ARHGAP42: variants seen among roughly 807,000 people sequenced by gnomAD.
ARHGAP42 encodes Rho GTPase activating protein 42, also known as rho GTPase-activating protein 42.
Under a neutral mutation model 125.0 loss-of-function variants are expected in ARHGAP42, and 63 were observed. The observed-to-expected ratio is 0.50, with a 90% CI of 0.41 to 0.62. The LOEUF (loss-of-function observed/expected upper bound fraction) is 0.62, where lower values mean the gene tolerates loss of function less well. ARHGAP42 is among the 20% of genes least tolerant of loss of function. ARHGAP42 has a pLI of 0.00. For synonymous variants in ARHGAP42, 339 were observed against 351.0 expected (o/e 0.97, Z 0.38); for missense variants, 766 against 1,024.2 (o/e 0.75, Z 3.44).
At chr11:100,782,085 T>C (rs1455592037) in intron 2 of ARHGAP42, among the ~76,000 whole-genome samples, 1 of 152,202 alleles carries the variant, frequency 6.6e-6, no homozygotes, top group South Asian at 2.1e-4. Flanking sequence ...ATATGTGATA[T>C]TGAAGAAAAC....
chr11:100,771,581 A>G (rs1862980397), intron 2 of ARHGAP42, among the ~76,000 whole-genome samples: 1 of 152,030 alleles, frequency 6.6e-6, no homozygotes, highest in South Asian at 2.1e-4. Flanking sequence ...CCCAACTTTA[A>G]TGTCTGTAGG....
intron 4 of ARHGAP42, among the ~76,000 whole-genome samples, chr11:100,880,466 A>G (rs1229726491): frequency 1.3e-5 from 2 of 152,118 alleles, no homozygotes; most frequent in East Asian, 3.9e-4. Flanking sequence ...TCCATTGTAT[A>G]TATATACCAC....
intron 5 of ARHGAP42, among the ~76,000 whole-genome samples, chr11:100,918,108 A>C (rs542056232): frequency 6.7e-6 from 1 of 150,298 alleles, no homozygotes; most frequent in Non-Finnish European, 1.5e-5. Context: ...AAGTTTTTGC[A>C]CTGCCTATAT....
intron 2 of ARHGAP42, among the ~76,000 whole-genome samples, chr11:100,782,131 T>C (rs955937740): frequency 4.6e-5 from 7 of 152,192 alleles, no homozygotes; most frequent in Non-Finnish European, 1.5e-5. Flanking sequence ...AGTGTGAGGA[T>C]TGAGAACCAG....
intron 18 of ARHGAP42, among the ~76,000 whole-genome samples, chr11:100,973,956 T>C (rs1392498835): frequency 6.6e-6 from 1 of 152,120 alleles, no homozygotes; most frequent in African/African-American, 2.4e-5. Flanking sequence ...GCCCTTAGTG[T>C]CTATCTAAGG....
At chr11:100,825,791 A>G (rs1329484097) in intron 3 of ARHGAP42, among the ~76,000 whole-genome samples, 1 of 152,134 alleles carries the variant, frequency 6.6e-6, no homozygotes, top group Non-Finnish European at 1.5e-5. Flanking sequence ...GCATGTACCC[A>G]CATTCAGTGT....
rs541666927 is a variant in ARHGAP42 at position 100,903,793 on chromosome 11, G to A, written c.385-9659G>A. Among the ~76,000 whole-genome samples, 9 of 132,636 alleles carry A rather than the reference G, an allele frequency of 6.8e-5. No individual in the cohort carries two copies. In the East Asian group the frequency reaches 9.0e-4, roughly 13 times the overall value. 87.0% of individuals were successfully genotyped at this position (132,636 alleles called of 152,430 possible). On this transcript the variant is annotated intron_variant, in intron 4 of 23. Transcript: ENST00000298815. ...AAGTTTATTAAGTTTTAACTTACAC[G>A]ATCACAAGGTCCCACAATAGGCTGT...
intron 3 of ARHGAP42, among the ~76,000 whole-genome samples, chr11:100,796,889 C>A (rs1037811425): frequency 1.2e-4 from 18 of 151,700 alleles, no homozygotes; most frequent in African/African-American, 4.4e-4. Flanking sequence ...CCTGCCTCAG[C>A]CTCCTGAGTA....
chr11:100,720,684 T>C (rs1156612748), intron 1 of ARHGAP42, among the ~76,000 whole-genome samples: 1 of 36,182 alleles, frequency 2.8e-5, no homozygotes, highest in Non-Finnish European at 5.1e-5. Flanking sequence ...TGAGATAACC[T>C]TTTTTTTTTG....
intron 1 of ARHGAP42, among the ~76,000 whole-genome samples, chr11:100,754,986 C>T (rs1862539896): frequency 6.6e-6 from 1 of 152,226 alleles, no homozygotes; most frequent in African/African-American, 2.4e-5. Context: ...TCTCATTCAT[C>T]TGTTTATGGA....
At chr11:100,926,801 T>C (rs764261883) in intron 6 of ARHGAP42, among the ~76,000 whole-genome samples, 1 of 152,238 alleles carries the variant, frequency 6.6e-6, no homozygotes, top group Non-Finnish European at 1.5e-5. Flanking sequence ...TTGCTAGATA[T>C]GAAAACAACA....
rs1858762096 is a variant in ARHGAP42, at chr11:100,989,054, A to G, written c.*253A>G. On this transcript the variant is annotated 3_prime_UTR_variant, in exon 24 of 24. Coordinates refer to ENST00000298815, the MANE Select transcript of ARHGAP42 (RefSeq NM_152432.4). ...AAAAATGTGTTTTTGGATAATATGT[A>G]ACTCTCCACAATGTCGCTTCCGTAG... 1 of 485,480 alleles carries G rather than the reference A, an allele frequency of 2.1e-6. No individual in the cohort carries two copies. Among genetic ancestry groups the G allele is most frequent in the East Asian group, 2.9e-5 (1 of 34,560 alleles). 30.1% of individuals were successfully genotyped at this position (485,480 alleles called of 1,614,324 possible). A position where few individuals can be genotyped will look rare whatever the true frequency, so the allele number is the denominator to read the frequency against.
intron 6 of ARHGAP42, among the ~76,000 whole-genome samples, chr11:100,928,084 A>C (rs1400541092): frequency 6.6e-6 from 1 of 152,184 alleles, no homozygotes; most frequent in Non-Finnish European, 1.5e-5. Context: ...GTTTATCTCT[A>C]AGTTTCCTCC....
At chr11:100,843,028 C>T (rs1259820671) in intron 3 of ARHGAP42, among the ~76,000 whole-genome samples, 1 of 151,920 alleles carries the variant, frequency 6.6e-6, no homozygotes, top group African/African-American at 2.4e-5. Flanking sequence ...AAACAAAAAG[C>T]TGGTTCTTTG....
At chr11:100,865,535 A>G (rs1865548695) in intron 4 of ARHGAP42, among the ~76,000 whole-genome samples, 3 of 152,204 alleles carry the variant, frequency 2.0e-5, no homozygotes, top group Admixed American at 2.0e-4. Flanking sequence ...ATTAGGAGCA[A>G]AGTTAACCAA....
At chr11:100,945,115 C>T (rs1312405957) in intron 10 of ARHGAP42, among the ~76,000 whole-genome samples, 1 of 152,078 alleles carries the variant, frequency 6.6e-6, no homozygotes, top group African/African-American at 2.4e-5. Flanking sequence ...ATAGCATCTT[C>T]ACCCGGAGAA....
chr11:100,948,633 A>G, intron 11 of ARHGAP42, 98 bp downstream of exon 11: 1 of 903,528 alleles, frequency 1.1e-6, no homozygotes, highest in Non-Finnish European at 1.6e-6. Context: ...TGCCTGTAGT[A>G]TAATTGAAAA....
At chr11:100,813,143 CGGCAATGAT>C (rs1591202482) in intron 3 of ARHGAP42, among the ~76,000 whole-genome samples, 97 of 152,194 alleles carry the variant, frequency 6.4e-4, no homozygotes, top group Admixed American at 4.8e-3. Flanking sequence ...GAAAGGGAGG[CGGCAATGAT>C]GTGTCATTGG....
chr11:100,748,268 G>A (rs564074382), intron 1 of ARHGAP42, among the ~76,000 whole-genome samples: 1 of 152,324 alleles, frequency 6.6e-6, no homozygotes, highest in Admixed American at 6.5e-5. Flanking sequence ...AGTGCAAACA[G>A]CTCGCAGGTT....
Sources: gnomAD v4.1 joint callset for allele counts (sites outside exome capture counted in the v4.1 genomes callset) on GRCh38, gnomAD v4.1.1 for gene constraint, MANE v1.5 for transcripts, NCBI Gene and HGNC (gene_info 2026-07-23, HGNC 2026-07-21) for gene names.